The following GRIA1 variants were observed in gnomAD, a reference collection of about 807,000 sequenced individuals.
GRIA1 encodes glutamate receptor 1.
A neutral mutation model predicts 99.2 loss-of-function variants in GRIA1; 31 were observed. The ratio of observed to expected loss-of-function variants is 0.31; its 90% CI spans 0.23 to 0.42. The LOEUF (loss-of-function observed/expected upper bound fraction) is 0.42. GRIA1 is among the 10% of genes least tolerant of loss of function. The pLI, the probability that GRIA1 is intolerant of heterozygous loss-of-function variation, is 1.00. For missense variants in GRIA1, 782 were observed against 1,157.5 expected (o/e 0.68, Z 4.71); for synonymous variants, 438 against 432.4 (o/e 1.01, Z -0.16).
intron 2 of GRIA1, among the ~76,000 whole-genome samples, chr5:153,617,861 A>C (rs1766659500): frequency 6.6e-6 from 1 of 152,170 alleles, no homozygotes; most frequent in Non-Finnish European, 1.5e-5. Context: ...GAGTCTAAAA[A>C]GCTGGTGGCA....
intron 2 of GRIA1, among the ~76,000 whole-genome samples, chr5:153,645,658 T>C (rs1360935528): frequency 6.6e-6 from 1 of 152,124 alleles, no homozygotes; most frequent in Admixed American, 6.6e-5. Flanking sequence ...AGGAGCATCT[T>C]GTGGGGCTAT....
At position 153,764,580 on chromosome 5, in the gene GRIA1, C is replaced by T. The variant is rs1212842233; in HGVS notation, c.1970C>T (p.Thr657Ile). The T allele has an allele frequency of 1.9e-6, 3 of 1,613,982 alleles. No homozygotes were observed. Among genetic ancestry groups the T allele is most frequent in the South Asian group, 2.2e-5 (2 of 91,088 alleles). The change falls in exon 12 of 16, where the codon ACA becomes ATA. Residue 657 changes from threonine (T) to isoleucine (I), a missense_variant. By Grantham distance (89) the Thr-to-Ile change is moderately conservative. This residue lies in a region of GRIA1 where 119 missense variants were observed against 326.6 expected (regional missense o/e 0.36). Transcript: ENST00000285900. ...AGTGCAGAGGACCTAGCGAAGCAGA[C>T]AGAAATTGCCTACGGGACGCTGGAA... is the stretch of plus-strand genomic sequence containing the variant. ...IESAEDLAKQ[T>I]EIAYGTLEAG...
intron 11 of GRIA1, among the ~76,000 whole-genome samples, chr5:153,734,839 T>C (rs984235892): frequency 2.0e-5 from 3 of 152,208 alleles, no homozygotes; most frequent in African/African-American, 7.2e-5. Context: ...TGTGAGCCAT[T>C]GTCAGGAACT....
chr5:153,643,475 A>G (rs984911987), intron 2 of GRIA1, among the ~76,000 whole-genome samples: 2 of 152,194 alleles, frequency 1.3e-5, no homozygotes, highest in African/African-American at 4.8e-5. Flanking sequence ...ATACCTCACA[A>G]CTACTAATTA....
At chr5:153,745,293 A>AC (rs2149581165) in intron 11 of GRIA1, among the ~76,000 whole-genome samples, 1 of 132,008 alleles carries the variant, frequency 7.6e-6, no homozygotes, top group South Asian at 2.5e-4. Context: ...AGAAATTACA[A>AC]AAAAAAAAAA....
intron 13 of GRIA1, among the ~76,000 whole-genome samples, chr5:153,792,683 T>G (rs1581665085): frequency 6.6e-6 from 1 of 152,126 alleles, no homozygotes; most frequent in African/African-American, 2.4e-5. Context: ...TTGGCTTGCT[T>G]TCTTCCCTTC....
At chr5:153,505,453 G>C (rs551599978) in intron 2 of GRIA1, among the ~76,000 whole-genome samples, 1 of 152,336 alleles carries the variant, frequency 6.6e-6, no homozygotes, top group East Asian at 1.9e-4. Flanking sequence ...CAGAGATTAT[G>C]AGAAGAACAT....
intron 15 of GRIA1, among the ~76,000 whole-genome samples, chr5:153,806,288 C>T (rs536535270): frequency 2.6e-5 from 4 of 151,988 alleles, no homozygotes; most frequent in South Asian, 2.1e-4. Context: ...TATTTTGAGA[C>T]GGAGTCTCAC....
chr5:153,764,647 T>C lies in GRIA1; in HGVS notation c.2022+15T>C. On this transcript the variant is annotated intron_variant, in intron 12 of 15. Transcript: ENST00000285900. ...AGTTCTTCAGGGTAGGGACATCCTT[T>C]GTCCCAAGACACTTTCACAAAAGGG... is the stretch of plus-strand genomic sequence containing the variant. The C allele has an allele frequency of 1.3e-6, 2 of 1,590,082 alleles. No homozygotes were observed. The highest frequency in any genetic ancestry group is 1.7e-6 in the Non-Finnish European group (2 of 1,158,324).
At position 153,605,962 on chromosome 5, in the gene GRIA1, A is replaced by G. The variant is rs1435038402; in HGVS notation, c.221-40966A>G. On this transcript the variant is annotated intron_variant, in intron 2 of 15. Coordinates refer to ENST00000285900, the MANE Select transcript of GRIA1 (RefSeq NM_000827.4). ...GAAACTGTTAACTTGAATGCAGTCCAATTTATCAGTTTCTTCCTTATGGAT... is the reference window on the plus strand; with the variant it reads ...GAAACTGTTAACTTGAATGCAGTCCGATTTATCAGTTTCTTCCTTATGGAT... Among the ~76,000 whole-genome samples the G allele has an allele frequency of 2.6e-5, 4 of 152,158 alleles. No homozygotes were observed. In the South Asian group the frequency reaches 8.3e-4, roughly 31 times the overall value.
intron 2 of GRIA1, among the ~76,000 whole-genome samples, chr5:153,586,337 T>G (rs1437650593): frequency 1.3e-5 from 2 of 152,178 alleles, no homozygotes; most frequent in Non-Finnish European, 2.9e-5. Context: ...GAATGAGAAT[T>G]CTCACAATAA....
chr5:153,490,626 C>T, upstream of GRIA1: 3 of 522,368 alleles, frequency 5.7e-6, no homozygotes, highest in South Asian at 2.1e-5. Context: ...GTGGGGGAGC[C>T]AGCGCTCCAG....
intron 7 of GRIA1, among the ~76,000 whole-genome samples, chr5:153,681,058 A>AT (rs1250229230): frequency 6.6e-6 from 1 of 152,220 alleles, no homozygotes; most frequent in Non-Finnish European, 1.5e-5. Context: ...ATAGTTTTGT[A>AT]GGCTGCACAC....
intron 11 of GRIA1, among the ~76,000 whole-genome samples, chr5:153,753,875 T>C (rs1762652629): frequency 6.6e-6 from 1 of 152,184 alleles, no homozygotes; most frequent in Admixed American, 6.5e-5. Flanking sequence ...GGGAGGATAA[T>C]CATCATCATA....
intron 13 of GRIA1, among the ~76,000 whole-genome samples, chr5:153,779,724 A>G (rs2926853): frequency 0.61 from 93,172 of 151,954 alleles, 29,479 homozygotes; most frequent in East Asian, 0.94. Context: ...TACCACACCA[A>G]GCTAATTTTG....
chr5:153,685,683 C>T (rs1399474587), intron 7 of GRIA1, among the ~76,000 whole-genome samples: 2 of 152,196 alleles, frequency 1.3e-5, no homozygotes, highest in African/African-American at 4.8e-5. Flanking sequence ...AAATCCAAGT[C>T]TTTCAATTGC....
In GRIA1 at chr5:153,811,451, G is replaced by GA; in HGVS notation, c.*232dup. ...CCTTTTCTGTTTGCTAAGTGAGGAT[G>GA]AAAAAATAACACTGTACTGCAATAA... On this transcript the variant is annotated 3_prime_UTR_variant, in exon 16 of 16. Coordinates refer to ENST00000285900, the MANE Select transcript of GRIA1 (RefSeq NM_000827.4). The GA allele has an allele frequency of 5.9e-6, 3 of 508,008 alleles. No individual in the cohort carries two copies. The South Asian group carries it at 6.3e-5, about 11-fold the overall frequency. 31.5% of individuals were successfully genotyped at this position (508,008 alleles called of 1,614,324 possible).
At chr5:153,600,046 C>G (rs892250570) in intron 2 of GRIA1, among the ~76,000 whole-genome samples, 8 of 151,958 alleles carry the variant, frequency 5.3e-5, no homozygotes, top group East Asian at 1.9e-4. Context: ...CAAATAGCGC[C>G]GGTCGTCAGA....
chr5:153,532,466 A>G (rs1399137161), intron 2 of GRIA1, among the ~76,000 whole-genome samples: 1 of 152,162 alleles, frequency 6.6e-6, no homozygotes, highest in East Asian at 1.9e-4. Flanking sequence ...GCAGACACCC[A>G]ATAGACAGGC....
Sources: gnomAD v4.1 joint callset for allele counts (sites outside exome capture counted in the v4.1 genomes callset) on GRCh38, gnomAD v4.1.1 for gene constraint, gnomAD v4.1.1 regional missense constraint, MANE v1.5 for transcripts, NCBI Gene and HGNC (gene_info 2026-07-23, HGNC 2026-07-21) for gene names.